Variants in PHF2 observed in about 807,000 individuals in gnomAD.
PHF2 encodes the protein lysine-specific demethylase PHF2.
In PHF2, 27 loss-of-function variants were observed where a neutral mutation model predicts 120.5. That is an observed-to-expected ratio of 0.22 (90% CI 0.17 to 0.31). The LOEUF is 0.31. Ranked by LOEUF, PHF2 falls within the 10% of genes least tolerant of loss-of-function variation. The pLI is 1.00. For missense variants in PHF2, 1,024 were observed against 1,434.8 expected, an observed-to-expected ratio of 0.71 and a Z score of 4.63; for synonymous variants, 568 against 592.5, an observed-to-expected ratio of 0.96 and a Z score of 0.60.
chr9:93,629,503 T>C (rs1448739816), intron 1 of PHF2, among the ~76,000 whole-genome samples: 2 of 152,160 alleles, frequency 1.3e-5, no homozygotes, highest in Non-Finnish European at 2.9e-5. Context: ...GTAGGCCTCT[T>C]CTTGGCCCCC....
chr9:93,645,729 G>A lies in PHF2; in HGVS notation c.400G>A (p.Gly134Arg), dbSNP rs1350007229. The change falls in exon 4 of 22, where the codon GGG (glycine) becomes AGG (arginine). Residue 134 changes from glycine (G) to arginine (R), a missense_variant. Physicochemically the swap from Gly to Arg is moderately radical, Grantham distance 125. Around this residue, in one of 2 missense-constraint regions of PHF2, gnomAD observed 347 missense variants for 577.4 expected, o/e 0.60. Transcript: ENST00000359246. ...TEPILVPKKD[G>R]LGLAVPAPTF... ...GCCCATCCTCGTCCCTAAGAAAGACGGGCTGGGTCTGGCTGTCCCGGCCCC... is the reference window on the plus strand; with the variant it reads ...GCCCATCCTCGTCCCTAAGAAAGACAGGCTGGGTCTGGCTGTCCCGGCCCC... The A allele has an allele frequency of 6.8e-6, 11 of 1,611,948 alleles. No homozygotes were observed. The highest frequency in any genetic ancestry group is 9.3e-6 in the Non-Finnish European group (11 of 1,179,460).
At chr9:93,624,874 A>G (rs1462876866) in intron 1 of PHF2, among the ~76,000 whole-genome samples, 32 of 151,938 alleles carry the variant, frequency 2.1e-4, no homozygotes, top group Admixed American at 2.0e-3. Flanking sequence ...AGTGATGATG[A>G]TAATGATGGT....
intron 2 of PHF2, among the ~76,000 whole-genome samples, chr9:93,634,952 C>A (rs1826065545): frequency 6.6e-6 from 1 of 152,224 alleles, no homozygotes; most frequent in African/African-American, 2.4e-5. Flanking sequence ...ACAGCCACCC[C>A]ACAAGGCCCG....
intron 1 of PHF2, among the ~76,000 whole-genome samples, chr9:93,593,700 G>T (rs1156787543): frequency 3.9e-5 from 6 of 152,232 alleles, no homozygotes; most frequent in African/African-American, 1.4e-4. Context: ...GTGTCCTCTT[G>T]TAAATCGGAA....
At chr9:93,592,279 G>C (rs1825241836) in intron 1 of PHF2, among the ~76,000 whole-genome samples, 2 of 152,158 alleles carry the variant, frequency 1.3e-5, no homozygotes, top group African/African-American at 4.8e-5. Context: ...AGGGGCTGCT[G>C]GTCCCCACTG....
At position 93,656,380 on chromosome 9, in the gene PHF2, C is replaced by A. The variant is rs768285853; in HGVS notation, c.1041-109C>A. The A allele has an allele frequency of 7.6e-6, 6 of 792,918 alleles. No homozygotes were observed. Among genetic ancestry groups the A allele is most frequent in the Non-Finnish European group, 1.3e-5 (6 of 467,482 alleles). 49.1% of individuals were successfully genotyped at this position (792,918 alleles called of 1,614,324 possible). ...TTTCCCCTGGTCCTCCTCAGCTATGCAGGGCCCAGTGGGGAGGCCTGAGCT... is the reference window on the plus strand; with the variant it reads ...TTTCCCCTGGTCCTCCTCAGCTATGAAGGGCCCAGTGGGGAGGCCTGAGCT... On this transcript the variant is annotated intron_variant, in intron 8 of 21. Coordinates refer to ENST00000359246, the MANE Select transcript of PHF2 (RefSeq NM_005392.4). This position sits in a 1 kb window ranked among gnomAD's most constrained non-coding sequence, Gnocchi z 4.1.
At chr9:93,616,631 T>C (rs1825733650) in intron 1 of PHF2, among the ~76,000 whole-genome samples, 1 of 150,676 alleles carries the variant, frequency 6.6e-6, no homozygotes, top group South Asian at 2.1e-4. Flanking sequence ...TTCTTTTTTT[T>C]ATTTGATGTT....
At chr9:93,598,403 T>G (rs183817542) in intron 1 of PHF2, among the ~76,000 whole-genome samples, 4 of 152,178 alleles carry the variant, frequency 2.6e-5, no homozygotes, top group African/African-American at 7.2e-5. Context: ...AGAGGGACAT[T>G]GGGTGTTTGT....
Position 93,667,260 on chromosome 9 carries a change from A to C in PHF2, c.2348+20A>C. 4 of 1,600,698 alleles carry C rather than the reference A, an allele frequency of 2.5e-6. No individual in the cohort carries two copies. The highest frequency in any genetic ancestry group is 3.4e-6 in the Non-Finnish European group (4 of 1,174,658). ...CAGCAGGTGGGCCCCACCACCCGGC[A>C]GCACCCAAGAGCGGGGACCAGGCAG... On this transcript the variant is annotated intron_variant, in intron 17 of 21. Transcript: ENST00000359246.
At chr9:93,649,681 ACACT>A (rs1342229843) in intron 5 of PHF2, among the ~76,000 whole-genome samples, 3 of 122,466 alleles carry the variant, frequency 2.4e-5, no homozygotes, top group Non-Finnish European at 3.9e-5. Context: ...ACTCGTGGAC[ACACT>A]CATGACACTC....
chr9:93,666,091 CG>C, intron 16 of PHF2, 31 bp downstream of exon 16: 3 of 1,600,632 alleles, frequency 1.9e-6, no homozygotes, highest in East Asian at 2.2e-5. Context: ...CCCTCAGTCT[CG>C]GGGGGCATCT....
In PHF2 at chr9:93,678,911, G is replaced by A. The variant is rs955887795; in HGVS notation, c.*1235G>A. On this transcript the variant is annotated 3_prime_UTR_variant, in exon 22 of 22. Coordinates refer to ENST00000359246, the MANE Select transcript of PHF2 (RefSeq NM_005392.4). ...TCTTTTAAGAACTAAGGTATTGCCT[G>A]AAAAACAAGTGATGTCTGTGCAGCC... The A allele has an allele frequency of 6.0e-6, 1 of 166,794 alleles. No homozygotes were observed. Among genetic ancestry groups the A allele is most frequent in the Non-Finnish European group, 1.3e-5 (1 of 76,812 alleles). 10.3% of individuals were successfully genotyped at this position (166,794 alleles called of 1,614,324 possible).
intron 12 of PHF2, among the ~76,000 whole-genome samples, chr9:93,661,825 T>C (rs1436262474): frequency 6.6e-6 from 1 of 151,418 alleles, no homozygotes; most frequent in Non-Finnish European, 1.5e-5. Flanking sequence ...AATGGTTGGA[T>C]GGTTGGGTGG....
At chr9:93,632,182 C>G (rs1826013108) in intron 2 of PHF2, among the ~76,000 whole-genome samples, 1 of 152,228 alleles carries the variant, frequency 6.6e-6, no homozygotes, top group African/African-American at 2.4e-5. Flanking sequence ...GTGTCCCAAC[C>G]TGCCCTTGAT....
In PHF2 at chr9:93,659,531, C is replaced by T. The variant is rs778647391; in HGVS notation, c.1260C>T (p.Asp420=). The change falls in exon 11 of 22, where the codon GAC becomes GAT. Residue 420 remains aspartate (D), a synonymous_variant. Coordinates refer to ENST00000359246, the MANE Select transcript of PHF2 (RefSeq NM_005392.4). Reference sequence around the variant, plus strand: ...TGCAGGCTTTGGCAGAGCATGAGGACGAGCTCCCGGAGCACTTCAAACCTT... The same window carrying T: ...TGCAGGCTTTGGCAGAGCATGAGGATGAGCTCCCGGAGCACTTCAAACCTT... ...TKKQALAEHE[D]ELPEHFKPSQ... 4.7e-5 allele frequency: 76 copies of T among 1,613,948 alleles called. No homozygotes were observed. Among genetic ancestry groups the T allele is most frequent in the Admixed American group, 3.3e-5 (2 of 60,004 alleles).
At chr9:93,600,227 TGGG>T (rs755876352) in intron 1 of PHF2, among the ~76,000 whole-genome samples, 7 of 151,032 alleles carry the variant, frequency 4.6e-5, no homozygotes, top group Non-Finnish European at 7.4e-5. Context: ...TGGTGGTGCA[TGGG>T]GGGTGTGTGG....
chr9:93,667,038 C>T (rs1168029734), intron 16 of PHF2, 42 bp from the exon 17 acceptor site: 2 of 1,554,756 alleles, frequency 1.3e-6, no homozygotes, highest in African/African-American at 1.4e-5. Context: ...ACTTTGGTGG[C>T]CAGACCCTCC....
At chr9:93,605,479 T>C (rs895313364) in intron 1 of PHF2, among the ~76,000 whole-genome samples, 7 of 152,254 alleles carry the variant, frequency 4.6e-5, no homozygotes, top group African/African-American at 1.7e-4. Context: ...GAGTTTCATC[T>C]AAAGTCCTCT....
chr9:93,596,748 T>G (rs1179183835), intron 1 of PHF2, among the ~76,000 whole-genome samples: 3 of 1,728 alleles, frequency 1.7e-3, no homozygotes, highest in Non-Finnish European at 2.9e-3. Flanking sequence ...GTTTCTGCCG[T>G]TTTTTTTTTT....
Sources: allele counts gnomAD v4.1 joint callset (sites outside exome capture counted in the v4.1 genomes callset), GRCh38; gene constraint gnomAD v4.1.1; regional missense constraint gnomAD v4.1.1; non-coding constraint Gnocchi (gnomAD v3.1); transcripts MANE v1.5; gene names NCBI Gene and HGNC (gene_info 2026-07-23, HGNC 2026-07-21).